The following BAZ2B variants were observed in gnomAD, a reference collection of about 807,000 sequenced individuals.
BAZ2B encodes bromodomain adjacent to zinc finger domain protein 2B.
Under a neutral mutation model 246.0 loss-of-function variants are expected in BAZ2B, and 91 were observed. The observed-to-expected ratio is 0.37, with a 90% CI of 0.31 to 0.44. The LOEUF is 0.44. Among genes scored for constraint, BAZ2B ranks in the 20% least tolerant of loss-of-function variants. The pLI is 1.00. For synonymous variants in BAZ2B, 855 were observed against 860.0 expected (o/e 0.99, Z 0.10); for missense variants, 2,332 against 2,533.7 (o/e 0.92, Z 1.71).
chr2:159,373,316 G>A (rs2061053243), intron 26 of BAZ2B, 127 bp from the exon 27 acceptor site: 1 of 713,436 alleles, frequency 1.4e-6, no homozygotes, highest in Non-Finnish European at 2.0e-6. Flanking sequence ...AAGAGCAAAA[G>A]GTCTAAATAT....
chr2:159,346,129 G>A (rs113329203), intron 31 of BAZ2B, among the ~76,000 whole-genome samples: 3 of 152,180 alleles, frequency 2.0e-5, no homozygotes, highest in East Asian at 3.9e-4. Context: ...AGAACCTGGA[G>A]GAGGAGACAT....
the BAZ2B span, among the ~76,000 whole-genome samples, chr2:159,627,928 T>A: frequency 6.6e-6 from 1 of 152,326 alleles, no homozygotes; most frequent in Non-Finnish European, 1.5e-5. Context: ...CCCCATTGTC[T>A]CAGCGCAAAA....
At chr2:159,480,561 T>C (rs1475042206) in intron 2 of BAZ2B, among the ~76,000 whole-genome samples, 2 of 152,012 alleles carry the variant, frequency 1.3e-5, no homozygotes, top group Non-Finnish European at 2.9e-5. Context: ...TAAACGCACA[T>C]GCACAAATAT....
intron 25 of BAZ2B, among the ~76,000 whole-genome samples, chr2:159,376,142 C>G (rs996197627): frequency 6.6e-6 from 1 of 152,068 alleles, no homozygotes; most frequent in Non-Finnish European, 1.5e-5. Context: ...AATTACTTAA[C>G]CTTTGTAAGT....
At chr2:159,332,910 C>T in intron 33 of BAZ2B, 1 of 497,136 alleles carries the variant, frequency 2.0e-6, no homozygotes, top group Non-Finnish European at 3.6e-6. Flanking sequence ...AAGTACACTG[C>T]AAAGAACAAA....
At chr2:159,478,945 C>A (rs1055629675) in intron 2 of BAZ2B, among the ~76,000 whole-genome samples, 17 of 152,146 alleles carry the variant, frequency 1.1e-4, no homozygotes, top group African/African-American at 3.4e-4. Flanking sequence ...TTATACCCCC[C>A]AAATTAATAG....
chr2:159,619,951 G>C (rs967759400), upstream of BAZ2B, among the ~76,000 whole-genome samples: 1 of 152,292 alleles, frequency 6.6e-6, no homozygotes, highest in East Asian at 1.9e-4. Context: ...AATTGTGATA[G>C]AATTTAATGA....
chr2:159,498,215 G>A (rs2081357087), intron 2 of BAZ2B, among the ~76,000 whole-genome samples: 1 of 152,042 alleles, frequency 6.6e-6, no homozygotes, highest in Admixed American at 6.6e-5. Context: ...TTACGTGTTT[G>A]GCCAGGAGAA....
At chr2:159,530,717 C>G (rs903209626) in intron 2 of BAZ2B, among the ~76,000 whole-genome samples, 1 of 152,110 alleles carries the variant, frequency 6.6e-6, no homozygotes, top group Non-Finnish European at 1.5e-5. Context: ...ACACCTTAAT[C>G]CTAGCACTTT....
chr2:159,687,408 G>A, the BAZ2B span, among the ~76,000 whole-genome samples: 1 of 152,214 alleles, frequency 6.6e-6, no homozygotes. Context: ...AGGGAGGGAA[G>A]AAAGGGTGGA....
At chr2:159,564,354 T>G (rs2090159567) in intron 1 of BAZ2B, among the ~76,000 whole-genome samples, 1 of 152,136 alleles carries the variant, frequency 6.6e-6, no homozygotes, top group South Asian at 2.1e-4. Flanking sequence ...ATTCTACATG[T>G]GCTGAAAGCC....
intron 36 of BAZ2B, among the ~76,000 whole-genome samples, chr2:159,322,632 C>G (rs1010695825): frequency 2.0e-5 from 3 of 152,090 alleles, no homozygotes; most frequent in African/African-American, 7.2e-5. Context: ...GGAGAGAATT[C>G]TAGGTGAGAT....
intron 2 of BAZ2B, among the ~76,000 whole-genome samples, chr2:159,510,536 C>T (rs1007494706): frequency 6.6e-6 from 1 of 152,058 alleles, no homozygotes; most frequent in South Asian, 2.1e-4. Flanking sequence ...TGGAAATACA[C>T]TAATGATGGT....
intron 27 of BAZ2B, among the ~76,000 whole-genome samples, chr2:159,369,503 G>C (rs2060586180): frequency 6.6e-6 from 1 of 152,076 alleles, no homozygotes; most frequent in African/African-American, 2.4e-5. Context: ...GAGAAGTTGA[G>C]GACAGGTGTA....
At chr2:159,535,652 GACAA>G (rs1292459710) in intron 2 of BAZ2B, among the ~76,000 whole-genome samples, 3 of 152,064 alleles carry the variant, frequency 2.0e-5, no homozygotes, top group Non-Finnish European at 4.4e-5. Context: ...CTTAAAATAA[GACAA>G]ACAAAATTAA....
intron 2 of BAZ2B, among the ~76,000 whole-genome samples, chr2:159,513,016 C>G (rs1477356339): frequency 6.6e-6 from 1 of 152,102 alleles, no homozygotes; most frequent in African/African-American, 2.4e-5. Context: ...ATCTAAAGAC[C>G]TGGATTTGAA....
At chr2:159,506,793 T>C (rs1484098284) in intron 2 of BAZ2B, among the ~76,000 whole-genome samples, 1 of 152,154 alleles carries the variant, frequency 6.6e-6, no homozygotes, top group Non-Finnish European at 1.5e-5. Context: ...AAACAAATAA[T>C]AGAGAGTACT....
intron 2 of BAZ2B, among the ~76,000 whole-genome samples, chr2:159,485,951 C>T (rs1012505597): frequency 6.6e-5 from 10 of 151,910 alleles, no homozygotes; most frequent in Admixed American, 2.0e-4. Context: ...TATTGCTCAG[C>T]GAATAATCTA....
chr2:159,348,319 CAAAAAAA>C (rs541304274), intron 30 of BAZ2B, among the ~76,000 whole-genome samples: 2 of 27,152 alleles, frequency 7.4e-5, no homozygotes, highest in African/African-American at 1.8e-4. Flanking sequence ...GACTCTCTCA[CAAAAAAA>C]AAAAAAAAAA....
Sources: gnomAD v4.1 joint callset for allele counts (sites outside exome capture counted in the v4.1 genomes callset) on GRCh38, gnomAD v4.1.1 for gene constraint, MANE v1.5 for transcripts, NCBI Gene and HGNC (gene_info 2026-07-23, HGNC 2026-07-21) for gene names.